The following DDX11 variants were observed in gnomAD, a reference collection of about 807,000 sequenced individuals.
DDX11 encodes the protein DEAD/H-box helicase 11, also known as ATP-dependent DNA helicase DDX11.
DDX11 carries 72 observed loss-of-function variants against 125.2 expected under a neutral mutation model. The observed-to-expected ratio is 0.58, with a 90% CI of 0.48 to 0.70. DDX11 has a LOEUF of 0.70. Ranked by LOEUF, DDX11 falls within the 30% of genes least tolerant of loss-of-function variation. The pLI, the probability that DDX11 is intolerant of heterozygous loss-of-function variation, is 0.00. For synonymous variants in DDX11, 347 were observed against 452.6 expected, an observed-to-expected ratio of 0.77 and a Z score of 2.96; for missense variants, 883 against 1,165.0, an observed-to-expected ratio of 0.76 and a Z score of 3.52.
In DDX11 at chr12:31,098,281, T is replaced by C. The variant is rs2140957002; in HGVS notation, c.1875+284T>C. On this transcript the variant is annotated intron_variant, in intron 18 of 26. Coordinates refer to ENST00000542838, the MANE Select transcript of DDX11 (RefSeq NM_030653.4). Reference sequence around the variant, plus strand: ...GTGGTTTCAAACTCAAGGAAAAAAATCATGATTCCACTTTTAAAAGGTTCA... The same window carrying C: ...GTGGTTTCAAACTCAAGGAAAAAAACCATGATTCCACTTTTAAAAGGTTCA... Among the ~76,000 whole-genome samples, 2 of 152,330 alleles carry C rather than the reference T, an allele frequency of 1.3e-5. 1 individual carries two copies. The highest frequency in any genetic ancestry group is 3.9e-4 in the East Asian group (2 of 5,184).
intron 2 of DDX11, among the ~76,000 whole-genome samples, chr12:31,083,400 G>C (rs11610494): frequency 6.6e-6 from 1 of 152,076 alleles, no homozygotes; most frequent in African/African-American, 2.4e-5. Context: ...CTGCACGAAG[G>C]CCGCGCGGTC....
rs1592759261 is a variant in DDX11 at position 31,096,971 on chromosome 12, G to A, written c.1743G>A (p.Arg581=). The change falls in exon 17 of 27, where the codon AGG becomes AGA. Residue 581 remains arginine (R), a synonymous_variant. Coordinates refer to ENST00000542838, the MANE Select transcript of DDX11 (RefSeq NM_030653.4). The part of the protein sequence containing the change: ...AALTTANQDG[R]VILSRQGSLS... ...TCACTACGGCCAACCAGGACGGCAG[G>A]GTCATCCTGAGCCGCCAAGGTAATC... is the stretch of plus-strand genomic sequence containing the variant. The A allele has an allele frequency of 1.2e-6, 2 of 1,613,774 alleles. No individual in the cohort carries two copies. Among genetic ancestry groups the A allele is most frequent in the Non-Finnish European group, 1.7e-6 (2 of 1,179,920 alleles).
At chr12:31,081,560 A>C (rs1162521712) in intron 2 of DDX11, among the ~76,000 whole-genome samples, 1 of 151,398 alleles carries the variant, frequency 6.6e-6, no homozygotes, top group African/African-American at 2.4e-5. Context: ...GCGGGGATCT[A>C]TGATGCCCTC....
chr12:31,101,461 T>G (rs1369310032), intron 20 of DDX11: 3 of 498,036 alleles, frequency 6.0e-6, no homozygotes, highest in African/African-American at 1.9e-5. Flanking sequence ...GGGGTAGGGA[T>G]GTGGGGCTTG....
At position 31,101,889 on chromosome 12, in the gene DDX11, G is replaced by A. The variant is rs771107055; in HGVS notation, c.2109G>A (p.Val703=). 6.2e-7 allele frequency: 1 copy of A among 1,613,900 alleles called. No individual in the cohort carries two copies. Among genetic ancestry groups the A allele is most frequent in the East Asian group, 2.2e-5 (1 of 44,878 alleles). Residue 703 remains valine, a synonymous_variant, in exon 21 of 27, where the codon GTG becomes GTA. Coordinates refer to ENST00000542838, the MANE Select transcript of DDX11 (RefSeq NM_030653.4). ...TGTGCGGTGTGGTTCCTGGAGGGGT[G>A]GTCTGTTTCTTCCCCTCCTACGAGT... The part of the protein sequence containing the change: ...CNLCGVVPGG[V]VCFFPSYEYL...
rs1354057884 is a variant in DDX11 at position 31,103,018 on chromosome 12, C to T, written c.2455C>T (p.Leu819Phe). ...GAAGATGGCCTACTTGGATCAAACCCTCGTGAGTGACCCCAGTGTCACAGA... is the reference window on the plus strand; with the variant it reads ...GAAGATGGCCTACTTGGATCAAACCTTCGTGAGTGACCCCAGTGTCACAGA... ...QEKMAYLDQTLPRAPGQAPPG... is the reference protein window; with the variant it reads ...QEKMAYLDQTFPRAPGQAPPG... Residue 819 changes from leucine to phenylalanine, a missense_variant and splice_region_variant, in exon 24 of 27, where the codon CTC becomes TTC. Physicochemically the swap from Leu to Phe is conservative, Grantham distance 22 (BLOSUM62 0). Coordinates refer to ENST00000542838, the MANE Select transcript of DDX11 (RefSeq NM_030653.4). 1 of 1,613,674 alleles carries T rather than the reference C, an allele frequency of 6.2e-7. No homozygotes were observed.
At chr12:31,083,734 G>T (rs1181148460) in intron 2 of DDX11, 79 bp from the exon 3 acceptor site, 57 of 1,528,712 alleles carry the variant, frequency 3.7e-5, no homozygotes, top group Non-Finnish European at 5.1e-5. Flanking sequence ...CTTCTTTCAA[G>T]CTTTTATTAA....
chr12:31,094,095 C>T (rs903288889), intron 12 of DDX11, among the ~76,000 whole-genome samples: 9 of 152,148 alleles, frequency 5.9e-5, no homozygotes, highest in African/African-American at 9.7e-5. Context: ...CCAGCTCCCA[C>T]GCCTCTTTGC....
In DDX11 at chr12:31,083,334, A is replaced by C. The variant is rs1388945561; in HGVS notation, c.145-479A>C. On this transcript the variant is annotated intron_variant, in intron 2 of 26. Coordinates refer to ENST00000542838, the MANE Select transcript of DDX11 (RefSeq NM_030653.4). ...GCTTAAAAAAAAAAAAACAAAACAA[A>C]ACACAAACCGTAAGCACTGGCGCTC... is the stretch of plus-strand genomic sequence containing the variant. 9.9e-5 allele frequency among the ~76,000 whole-genome samples: 15 copies of C among 151,306 alleles called. No individual in the cohort carries two copies. The East Asian group carries it at 2.5e-3, about 26-fold the overall frequency.
rs762392717 is a variant in DDX11 at position 31,089,126 on chromosome 12, G to A, written c.767G>A (p.Arg256Gln). ...AAGAGCCCCTTTGGCAAGGATGTTC[G>A]GCTGGTCTCCCTTGGCTCCCGGCAG... is the stretch of plus-strand genomic sequence containing the variant. ...VKKSPFGKDV[R>Q]LVSLGSRQNL... Residue 256 changes from arginine (R) to glutamine (Q), a missense_variant, in exon 7 of 27, where the codon CGG becomes CAG. Coordinates refer to ENST00000542838, the MANE Select transcript of DDX11 (RefSeq NM_030653.4). 1.1e-5 allele frequency: 17 copies of A among 1,613,800 alleles called. No individual in the cohort carries two copies. The Admixed American group carries it at 1.8e-4, about 17-fold the overall frequency.
In DDX11 at chr12:31,086,014, T is replaced by C. The variant is rs1186306468; in HGVS notation, c.638+888T>C. On this transcript the variant is annotated intron_variant, in intron 5 of 26. Transcript: ENST00000542838. ...GAAGGTTCATCCCCGGCCTTCACAG[T>C]CTGTCTGCAGGGCGCCTTCTGATGC... 3 of 453,382 alleles carry C rather than the reference T, an allele frequency of 6.6e-6. No individual in the cohort carries two copies. The East Asian group carries it at 2.1e-4, about 32-fold the overall frequency. 28.1% of individuals were successfully genotyped at this position (453,382 alleles called of 1,614,324 possible).
chr12:31,075,381 T>C (rs1398793414), intron 1 of DDX11, among the ~76,000 whole-genome samples: 1 of 152,116 alleles, frequency 6.6e-6, no homozygotes, highest in Non-Finnish European at 1.5e-5. Flanking sequence ...CTTATCCTGG[T>C]GGGAGGAAAA....
In DDX11 at chr12:31,084,618, C is replaced by T; in HGVS notation, c.429C>T (p.Arg143=). 6.3e-7 allele frequency: 1 copy of T among 1,597,290 alleles called. No individual in the cohort carries two copies. Among genetic ancestry groups the T allele is most frequent in the Non-Finnish European group, 8.5e-7 (1 of 1,170,548 alleles). ...EQARRKQREE[R]LQQLQHRVQL... ...CCAGGAGGAAGCAGCGAGAAGAACGCCTGCAGCAGCTGCAGCACAGGGTGC... is the reference window on the plus strand; with the variant it reads ...CCAGGAGGAAGCAGCGAGAAGAACGTCTGCAGCAGCTGCAGCACAGGGTGC... Residue 143 remains arginine (R), a synonymous_variant, in exon 4 of 27, where the codon CGC becomes CGT. Transcript: ENST00000542838.
chr12:31,089,796 G>A (rs1370697673), intron 8 of DDX11, 90 bp from the exon 9 acceptor site: 2 of 1,552,944 alleles, frequency 1.3e-6, no homozygotes, highest in African/African-American at 1.4e-5. Flanking sequence ...CCCCATGGAA[G>A]TGGGTCTCAA....
At chr12:31,096,502 G>A in intron 15 of DDX11, 123 bp downstream of exon 15, 1 of 1,595,076 alleles carries the variant, frequency 6.3e-7, no homozygotes, top group East Asian at 2.2e-5. Flanking sequence ...CACTCTCCTT[G>A]GTGCAGTGGG....
chr12:31,090,464 T>C (rs1467992027), intron 9 of DDX11, among the ~76,000 whole-genome samples: 1 of 131,216 alleles, frequency 7.6e-6, no homozygotes, highest in Non-Finnish European at 1.6e-5. Flanking sequence ...TGATGGAGGA[T>C]GTCAGTGATA....
intron 1 of DDX11, among the ~76,000 whole-genome samples, chr12:31,077,329 T>C (rs528761660): frequency 6.6e-6 from 1 of 151,936 alleles, no homozygotes; most frequent in African/African-American, 2.4e-5. Flanking sequence ...TGGAGCAGAG[T>C]TTTTCTTAGA....
chr12:31,080,262 A>G (rs1403537765), intron 2 of DDX11, among the ~76,000 whole-genome samples: 4 of 151,170 alleles, frequency 2.6e-5, no homozygotes, highest in Non-Finnish European at 5.9e-5. Context: ...CTGAAGCCCA[A>G]TAGCCGGTCT....
At chr12:31,093,393 C>G in intron 12 of DDX11, 69 bp downstream of exon 12, 1 of 1,591,940 alleles carries the variant, frequency 6.3e-7, no homozygotes, top group Non-Finnish European at 8.6e-7. Context: ...CCTTGGATGC[C>G]CATCAGGACA....
Sources: allele counts gnomAD v4.1 joint callset (sites outside exome capture counted in the v4.1 genomes callset), GRCh38; gene constraint gnomAD v4.1.1; transcripts MANE v1.5; gene names NCBI Gene and HGNC (gene_info 2026-07-23, HGNC 2026-07-21).